The following AJUBA variants were observed in gnomAD, a reference collection of about 807,000 sequenced individuals.
AJUBA encodes LIM domain-containing protein ajuba.
A neutral mutation model predicts 53.3 loss-of-function variants in AJUBA; 20 were observed. That is an observed-to-expected ratio of 0.38 (90% CI 0.26 to 0.55). The LOEUF is 0.55. Among genes scored for constraint, AJUBA ranks in the 20% least tolerant of loss-of-function variants. The pLI, the probability that AJUBA is intolerant of heterozygous loss-of-function variation, is 0.80. For missense variants in AJUBA, 580 were observed against 730.5 expected, an observed-to-expected ratio of 0.79 and a Z score of 2.38; for synonymous variants, 296 against 306.2, an observed-to-expected ratio of 0.97 and a Z score of 0.35.
chr14:22,975,305 T>A, intron 4 of AJUBA: 1 of 602,014 alleles, frequency 1.7e-6, no homozygotes, highest in Non-Finnish European at 2.8e-6. Flanking sequence ...AGGCCAGCAG[T>A]GTTTCACTCT....
chr14:22,974,807 G>A (rs777424549), intron 6 of AJUBA, 32 bp downstream of exon 6: 296 of 1,600,824 alleles, frequency 1.8e-4, no homozygotes, highest in Non-Finnish European at 2.5e-4. Flanking sequence ...AGTGGCACTG[G>A]CTGCCCTGAA....
intron 3 of AJUBA, 61 bp from the exon 4 acceptor site, chr14:22,976,579 C>A (rs2045038763): frequency 6.2e-7 from 1 of 1,611,902 alleles, no homozygotes. Flanking sequence ...GGGTGGTACT[C>A]CAATGGGCCA....
Position 22,978,335 on chromosome 14 carries a change from T to C in AJUBA, c.1108+9A>G. 1 of 1,611,726 alleles carries C rather than the reference T, an allele frequency of 6.2e-7. No homozygotes were observed. Among genetic ancestry groups the C allele is most frequent in the Non-Finnish European group, 8.5e-7 (1 of 1,178,176 alleles). Reference sequence around the variant, plus strand: ...GAGGGGAGTGCTTGAGTATTGGGGCTACACTCACCACAAGAGCAGCAAACA... The same window carrying C: ...GAGGGGAGTGCTTGAGTATTGGGGCCACACTCACCACAAGAGCAGCAAACA... On this transcript the variant is annotated intron_variant, in intron 2 of 7. Coordinates refer to ENST00000262713, the MANE Select transcript of AJUBA (RefSeq NM_032876.6).
rs946998772 is a variant in AJUBA at position 22,971,552 on chromosome 14, T to G, written c.*1891A>C. The G allele has an allele frequency of 1.3e-5, 2 of 152,228 alleles. No individual in the cohort carries two copies. Among genetic ancestry groups the G allele is most frequent in the Non-Finnish European group, 2.9e-5 (2 of 68,046 alleles). 9.4% of individuals were successfully genotyped at this position (152,228 alleles called of 1,614,324 possible). A position where few individuals can be genotyped will look rare whatever the true frequency, so the allele number is the denominator to read the frequency against. On this transcript the variant is annotated 3_prime_UTR_variant, in exon 8 of 8. Transcript: ENST00000262713. ...AAAACCAATTAGTCTAAAATAAATATTTATCAAATCTGCAGCATTTCAAAA... is the reference window on the plus strand; with the variant it reads ...AAAACCAATTAGTCTAAAATAAATAGTTATCAAATCTGCAGCATTTCAAAA...
intron 7 of AJUBA, 100 bp from the exon 8 acceptor site, chr14:22,973,668 G>A: frequency 1.3e-6 from 2 of 1,490,084 alleles, no homozygotes; most frequent in South Asian, 2.6e-5. Context: ...CTAATAACTG[G>A]AAGAAAGGGA....
intron 1 of AJUBA, among the ~76,000 whole-genome samples, chr14:22,980,030 T>C (rs1459901292): frequency 6.6e-6 from 1 of 152,004 alleles, no homozygotes; most frequent in Non-Finnish European, 1.5e-5. Flanking sequence ...AGTTATGCCC[T>C]TATAGCCTGC....
Position 22,982,116 on chromosome 14 carries a change from C to T in AJUBA, c.151G>A (p.Gly51Arg), listed in dbSNP as rs1391213625. 1 of 1,601,748 alleles carries T rather than the reference C, an allele frequency of 6.2e-7. No homozygotes were observed. ...LGGPRKSGPR[G>R]ATGGPGDEPL... Reference sequence around the variant, plus strand: ...TCATCCCCAGGTCCCCCAGTAGCTCCTCGGGGCCCTGACTTCCTAGGTCCC... The same window carrying T: ...TCATCCCCAGGTCCCCCAGTAGCTCTTCGGGGCCCTGACTTCCTAGGTCCC... Residue 51 changes from glycine (G) to arginine (R), a missense_variant, in exon 1 of 8, where the codon GGA (glycine) becomes AGA (arginine). Physicochemically the swap from Gly to Arg is moderately radical, Grantham distance 125. Transcript: ENST00000262713.
intron 6 of AJUBA, among the ~76,000 whole-genome samples, chr14:22,974,367 AGGAAGCAAAG>A (rs1293474144): frequency 1.4e-4 from 21 of 152,352 alleles, no homozygotes; most frequent in South Asian, 2.1e-4. Flanking sequence ...TCAGTTGTGC[AGGAAGCAAAG>A]GGAAGGGAAG....
intron 1 of AJUBA, 95 bp downstream of exon 1, chr14:22,981,166 G>C (rs2045087680): frequency 4.8e-6 from 7 of 1,454,960 alleles, no homozygotes; most frequent in African/African-American, 1.4e-5. Flanking sequence ...CTTCACCTCG[G>C]ACCCCGGGGC....
Position 22,979,007 on chromosome 14 carries a change from C to T in AJUBA, c.1007-562G>A, listed in dbSNP as rs866867187. ...AAGGATCTGGCTTGGCAGAGGGCTC[C>T]GTGCAGAGGGGACCATGTGAGCATG... is the stretch of plus-strand genomic sequence containing the variant. On this transcript the variant is annotated intron_variant, in intron 1 of 7. Coordinates refer to ENST00000262713, the MANE Select transcript of AJUBA (RefSeq NM_032876.6). This position sits in a 1 kb window ranked among gnomAD's most constrained non-coding sequence, Gnocchi z 4.0. The T allele has an allele frequency of 2.1e-5, 27 of 1,289,008 alleles. No individual in the cohort carries two copies. In the Middle Eastern group the frequency reaches 8.5e-4, roughly 41 times the overall value. The allele number at this position is 1,289,008 out of a possible 1,614,324, so 79.8% of individuals were successfully genotyped here.
At chr14:22,980,605 AGC>A in intron 1 of AJUBA, 1 of 985,370 alleles carries the variant, frequency 1.0e-6, no homozygotes, top group Non-Finnish European at 1.2e-6. Flanking sequence ...GCACGCACCT[AGC>A]CAACAGGACT....
At chr14:22,980,822 CG>C (rs1299534660) in intron 1 of AJUBA, 2 of 282,604 alleles carry the variant, frequency 7.1e-6, no homozygotes, top group Non-Finnish European at 5.3e-6. Flanking sequence ...CAGCCTGCCC[CG>C]CCCCCCCACC....
At position 22,973,332 on chromosome 14, in the gene AJUBA, G is replaced by T; in HGVS notation, c.*111C>A. The T allele has an allele frequency of 6.8e-7, 1 of 1,462,660 alleles. No individual in the cohort carries two copies. Among genetic ancestry groups the T allele is most frequent in the Non-Finnish European group, 9.2e-7 (1 of 1,083,132 alleles). The allele number at this position is 1,462,660 out of a possible 1,614,324, so 90.6% of individuals were successfully genotyped here. On this transcript the variant is annotated 3_prime_UTR_variant, in exon 8 of 8. Coordinates refer to ENST00000262713, the MANE Select transcript of AJUBA (RefSeq NM_032876.6). The stretch of plus-strand genomic sequence containing the variant: ...CCGGCCCTTGGGGTCCTCCCCAGAG[G>T]ACTCTTCTGCCAGGCCTGCAGAGTG...
chr14:22,973,914 G>C (rs1223874835), intron 7 of AJUBA, 133 bp downstream of exon 7: 2 of 1,063,080 alleles, frequency 1.9e-6, no homozygotes, highest in Non-Finnish European at 2.9e-6. Context: ...AGAGACTGAA[G>C]ATAGGTCACA....
rs201260056 is a variant in AJUBA, at chr14:22,974,136, T to C, written c.1423-21A>G. On this transcript the variant is annotated intron_variant, in intron 6 of 7. Transcript: ENST00000262713. ...CAGCCCTGAAACATGCAGACCCCCA[T>C]GGAGATGAGAGCAGCATGTTGCCTC... The C allele has an allele frequency of 2.9e-4, 474 of 1,613,974 alleles. 3 individuals carry two copies. The African/African-American group carries it at 4.3e-3, about 15-fold the overall frequency.
rs781025877 is a variant in AJUBA, at chr14:22,978,389, G to C, written c.1063C>G (p.Leu355Val). The C allele has an allele frequency of 6.2e-7, 1 of 1,613,988 alleles. No homozygotes were observed. Among genetic ancestry groups the C allele is most frequent in the South Asian group, 1.1e-5 (1 of 91,068 alleles). The part of the protein sequence containing the change: ...IYGQSNACQA[L>V]DSLYHTQCFV... ...CACTGGGTGTGGTAGAGGCTGTCCA[G>C]GGCCTGGCAGGCATTGCTCTGCCCA... The change falls in exon 2 of 8, where the codon CTG (leucine) becomes GTG (valine). Residue 355 changes from leucine (L) to valine (V), a missense_variant. Physicochemically the swap from Leu to Val is conservative, Grantham distance 32. Coordinates refer to ENST00000262713, the MANE Select transcript of AJUBA (RefSeq NM_032876.6).
chr14:22,974,999 C>T lies in AJUBA; in HGVS notation c.1345G>A (p.Val449Ile). 1 of 1,614,228 alleles carries T rather than the reference C, an allele frequency of 6.2e-7. No individual in the cohort carries two copies. ...IPFTVDFSNQ[V>I]YCVTDYHKNY... ...TTGTGGTAGTCGGTGACACAGTATA[C>T]TTGGTTGGAGAAGTCCACTGTGAAG... The change falls in exon 5 of 8, where the codon GTA (valine) becomes ATA (isoleucine). Residue 449 changes from valine (V) to isoleucine (I), a missense_variant. Around this residue, in one of 2 missense-constraint regions of AJUBA, gnomAD observed 150 missense variants for 259.0 expected, o/e 0.58. Transcript: ENST00000262713.
intron 1 of AJUBA, chr14:22,978,716 G>A (rs1311745540): frequency 8.8e-6 from 11 of 1,248,398 alleles, no homozygotes; most frequent in East Asian, 8.6e-5. Context: ...GGAGAAAGTC[G>A]AAGATATGGT....
Position 22,982,295 on chromosome 14 carries a change from T to A in AJUBA, c.-29A>T. 2 of 1,605,800 alleles carry A rather than the reference T, an allele frequency of 1.2e-6. No homozygotes were observed. The highest frequency in any genetic ancestry group is 1.7e-6 in the Non-Finnish European group (2 of 1,177,398). ...CTCGGGCCTGGGGCCTCTCGCCCCCTCCCCGCCTGGCACCCTGCGGCGTCT... is the reference window on the plus strand; with the variant it reads ...CTCGGGCCTGGGGCCTCTCGCCCCCACCCCGCCTGGCACCCTGCGGCGTCT... On this transcript the variant is annotated 5_prime_UTR_variant, in exon 1 of 8. Coordinates refer to ENST00000262713, the MANE Select transcript of AJUBA (RefSeq NM_032876.6).
Sources: allele counts gnomAD v4.1 joint callset (sites outside exome capture counted in the v4.1 genomes callset), GRCh38; gene constraint gnomAD v4.1.1; regional missense constraint gnomAD v4.1.1; non-coding constraint Gnocchi (gnomAD v3.1); transcripts MANE v1.5; gene names NCBI Gene and HGNC (gene_info 2026-07-23, HGNC 2026-07-21).